The following HMGB3 variants were observed in gnomAD, a reference collection of about 807,000 sequenced individuals.
The protein encoded by HMGB3 is high mobility group box 3.
In HMGB3, 1 loss-of-function variant was observed where a neutral mutation model predicts 12.9. That is an observed-to-expected ratio of 0.08 (90% CI 0.03 to 0.37). HMGB3 has a LOEUF of 0.37. Among genes scored for constraint, HMGB3 ranks in the 10% least tolerant of loss-of-function variants. The pLI, the probability that HMGB3 is intolerant of heterozygous loss-of-function variation, is 0.99. For synonymous variants in HMGB3, 61 were observed against 53.9 expected (o/e 1.13, Z -0.57); for missense variants, 74 against 153.3 (o/e 0.48, Z 2.73).
At chrX:150,984,677 T>C in intron 1 of HMGB3, 1 of 475,107 alleles carries the variant, frequency 2.1e-6, no homozygotes, top group South Asian at 1.1e-4. Context: ...GCGGGCTGCC[T>C]GCTGCCGGCC....
chrX:150,983,124 C>T (rs1333644440), upstream of HMGB3, among the ~76,000 whole-genome samples: 1 of 112,956 alleles, frequency 8.9e-6, no homozygotes, highest in Non-Finnish European at 1.9e-5. Flanking sequence ...AGGTCTTTCC[C>T]TGTTTGGCCT....
rs1313167442 is a variant in HMGB3, at chrX:150,990,373, T to C, written c.*2459T>C. 1 of 111,844 alleles carries C rather than the reference T, an allele frequency of 8.9e-6. No homozygotes were observed. Among genetic ancestry groups the C allele is most frequent in the African/African-American group, 3.2e-5 (1 of 30,776 alleles). 9.2% of individuals were successfully genotyped at this position (111,844 alleles called of 1,213,427 possible). On this transcript the variant is annotated 3_prime_UTR_variant, in exon 5 of 5. Coordinates refer to ENST00000325307, the MANE Select transcript of HMGB3 (RefSeq NM_005342.4). ...GTCAAGTTGAGGCCACTTGGTCCAT[T>C]AGCTGGGGCAGCAAGATCACTACTC... is the stretch of plus-strand genomic sequence containing the variant.
chrX:150,982,335 C>T (rs2047997631), upstream of HMGB3, among the ~76,000 whole-genome samples: 1 of 111,918 alleles, frequency 8.9e-6, no homozygotes, highest in Admixed American at 9.5e-5. Flanking sequence ...AGTGACACTG[C>T]GGCTCCTATA....
upstream of HMGB3, among the ~76,000 whole-genome samples, chrX:150,982,341 C>T (rs190882420): frequency 5.4e-5 from 6 of 112,048 alleles, no homozygotes; most frequent in East Asian, 1.4e-3. Flanking sequence ...ACTGCGGCTC[C>T]TATACTTTGA....
At chrX:150,983,750 G>T (rs1246380034) in intron 1 of HMGB3, among the ~76,000 whole-genome samples, 1 of 108,229 alleles carries the variant, frequency 9.2e-6, no homozygotes, top group Non-Finnish European at 1.9e-5. Context: ...GGCTGGGCGA[G>T]CAGAGGGGCG....
At chrX:150,981,989 G>A (rs994228521), upstream of HMGB3, among the ~76,000 whole-genome samples, 4 of 111,857 alleles carry the variant, frequency 3.6e-5, no homozygotes, top group Non-Finnish European at 5.6e-5. Context: ...TCTGAATATA[G>A]GACTCATAAA....
Position 150,986,611 on chromosome X carries a change from T to C in HMGB3, c.290+421T>C, listed in dbSNP as rs1337441566. 5.4e-5 allele frequency among the ~76,000 whole-genome samples: 6 copies of C among 111,068 alleles called. No individual in the cohort carries two copies. The East Asian group carries it at 1.4e-3, about 26-fold the overall frequency. On this transcript the variant is annotated intron_variant, in intron 3 of 4. Coordinates refer to ENST00000325307, the MANE Select transcript of HMGB3 (RefSeq NM_005342.4). ...ACAGAGCACCATATATATATGCGCGTATATATACGCATATATTTTATATAT... is the reference window on the plus strand; with the variant it reads ...ACAGAGCACCATATATATATGCGCGCATATATACGCATATATTTTATATAT...
Position 150,989,331 on chromosome X carries a change from AAAC to A in HMGB3, c.*1419_*1421del, listed in dbSNP as rs1291294365. 5 of 110,572 alleles carry A rather than the reference AAAC, an allele frequency of 4.5e-5. No individual in the cohort carries two copies. Among genetic ancestry groups the A allele is most frequent in the Non-Finnish European group, 9.5e-5 (5 of 52,889 alleles). 9.1% of individuals were successfully genotyped at this position (110,572 alleles called of 1,213,427 possible). A position where few individuals can be genotyped will look rare whatever the true frequency, so the allele number is the denominator to read the frequency against. ...GTATCCTTTTTTTGCTCCTACTTGG[AAAC>A]ACCAAACACCCCAAGGAAGATGATA... On this transcript the variant is annotated 3_prime_UTR_variant, in exon 5 of 5. Coordinates refer to ENST00000325307, the MANE Select transcript of HMGB3 (RefSeq NM_005342.4).
In HMGB3 at chrX:150,990,733, T is replaced by C; in HGVS notation, c.*2819T>C. 1 of 111,818 alleles carries C rather than the reference T, an allele frequency of 8.9e-6. No homozygotes were observed. Among genetic ancestry groups the C allele is most frequent in the Middle Eastern group, 4.2e-3 (1 of 236 alleles). The allele number at this position is 111,818 out of a possible 1,213,427, so 9.2% of individuals were successfully genotyped here. ...TATTTGGGGACGTTGGATGCATTCA[T>C]TTTCTGTAATAAAGTTTCTTAATCA... On this transcript the variant is annotated 3_prime_UTR_variant, in exon 5 of 5. Coordinates refer to ENST00000325307, the MANE Select transcript of HMGB3 (RefSeq NM_005342.4).
intron 1 of HMGB3, among the ~76,000 whole-genome samples, chrX:150,983,961 C>T (rs1372176143): frequency 9.6e-6 from 1 of 104,509 alleles, no homozygotes; most frequent in Non-Finnish European, 2.0e-5. Context: ...ACGCCGCTGG[C>T]TCTGCGTTAA....
At position 150,986,032 on chromosome X, in the gene HMGB3, C is replaced by T. The variant is rs376881798; in HGVS notation, c.151-19C>T. ...GTGTTCACTGCATCGAGGGATTTAACGAGTCCTGTTCTTTGCAGACGATGT... is the reference window on the plus strand; with the variant it reads ...GTGTTCACTGCATCGAGGGATTTAATGAGTCCTGTTCTTTGCAGACGATGT... On this transcript the variant is annotated intron_variant, in intron 2 of 4. Coordinates refer to ENST00000325307, the MANE Select transcript of HMGB3 (RefSeq NM_005342.4). 23 of 1,198,291 alleles carry T rather than the reference C, an allele frequency of 1.9e-5. No individual in the cohort carries two copies. In the African/African-American group the frequency reaches 2.8e-4, roughly 15 times the overall value.
At chrX:150,982,293 G>A (rs1373766439), upstream of HMGB3, among the ~76,000 whole-genome samples, 2 of 111,157 alleles carry the variant, frequency 1.8e-5, no homozygotes, top group African/African-American at 3.3e-5. Context: ...TCCAGGCACC[G>A]GCCCCACGAA....
intron 1 of HMGB3, chrX:150,983,688 C>T: frequency 3.7e-6 from 2 of 534,402 alleles, no homozygotes. Context: ...GGGGCCGCAG[C>T]CGGGAACCCA....
chrX:150,981,192 T>C (rs1457062992), upstream of HMGB3, among the ~76,000 whole-genome samples: 1 of 109,565 alleles, frequency 9.1e-6, no homozygotes, highest in Non-Finnish European at 1.9e-5. Flanking sequence ...AGGCCTGGCC[T>C]GCCATGAACT....
rs1569566465 is a variant in HMGB3 at position 150,987,862 on chromosome X, A to G, written c.551A>G (p.Asp184Gly). 1.7e-6 allele frequency: 2 copies of G among 1,199,251 alleles called. No individual in the cohort carries two copies. ...KVARKKVEEE[D>G]EEEEEEEEEE... ...GCCCGGAAAAAGGTGGAAGAGGAAG[A>G]TGAAGAAGAGGAGGAGGAAGAAGAG... The change falls in exon 5 of 5, where the codon GAT (aspartate) becomes GGT (glycine). Residue 184 changes from aspartate (D) to glycine (G), a missense_variant. Transcript: ENST00000325307.
At position 150,990,105 on chromosome X, in the gene HMGB3, T is replaced by C. The variant is rs1557425353; in HGVS notation, c.*2191T>C. ...AGCTTTAGCTTCCCAATTCGTGATG[T>C]GCTAGGCCAAGATTCGGGAGCTGTT... is the stretch of plus-strand genomic sequence containing the variant. On this transcript the variant is annotated 3_prime_UTR_variant, in exon 5 of 5. Coordinates refer to ENST00000325307, the MANE Select transcript of HMGB3 (RefSeq NM_005342.4). 2 of 112,415 alleles carry C rather than the reference T, an allele frequency of 1.8e-5. No homozygotes were observed. Among genetic ancestry groups the C allele is most frequent in the African/African-American group, 6.5e-5 (2 of 30,993 alleles). 9.3% of individuals were successfully genotyped at this position (112,415 alleles called of 1,213,427 possible). A position where few individuals can be genotyped will look rare whatever the true frequency, so the allele number is the denominator to read the frequency against.
chrX:150,982,901 T>C (rs1557425117), upstream of HMGB3, among the ~76,000 whole-genome samples: 1 of 112,894 alleles, frequency 8.9e-6, no homozygotes, highest in Non-Finnish European at 1.9e-5. Context: ...CCCAGGGGTG[T>C]TTCCCCGGGC....
intron 4 of HMGB3, among the ~76,000 whole-genome samples, chrX:150,987,544 G>A (rs1557425271): frequency 9.0e-6 from 1 of 111,300 alleles, no homozygotes; most frequent in African/African-American, 3.3e-5. Context: ...TGTTAACAGA[G>A]GATTTGATAG....
intron 2 of HMGB3, 31 bp downstream of exon 2, chrX:150,985,780 C>T (rs782090298): frequency 1.2e-5 from 14 of 1,162,256 alleles, no homozygotes; most frequent in Middle Eastern, 2.4e-4. Context: ...TCAAACTAGT[C>T]TTAGTTGGGT....
Sources: gnomAD v4.1 joint callset for allele counts (sites outside exome capture counted in the v4.1 genomes callset) on GRCh38, gnomAD v4.1.1 for gene constraint, MANE v1.5 for transcripts, NCBI Gene and HGNC (gene_info 2026-07-23, HGNC 2026-07-21) for gene names.